The following CHRM3 variants were observed in gnomAD, a reference collection of about 807,000 sequenced individuals.
CHRM3 encodes the protein muscarinic acetylcholine receptor M3.
Under a neutral mutation model 41.8 loss-of-function variants are expected in CHRM3, and 11 were observed. The ratio of observed to expected loss-of-function variants is 0.26; its 90% CI spans 0.17 to 0.44. The LOEUF is 0.44. Among genes scored for constraint, CHRM3 ranks in the 20% least tolerant of loss-of-function variants. The pLI is 1.00. For synonymous variants in CHRM3, 297 were observed against 301.4 expected (o/e 0.99, Z 0.15); for missense variants, 571 against 745.4 (o/e 0.77, Z 2.72).
chr1:239,759,419 T>G (rs1331029167), intron 5 of CHRM3, among the ~76,000 whole-genome samples: 1 of 151,898 alleles, frequency 6.6e-6, no homozygotes, highest in South Asian at 2.1e-4. Flanking sequence ...TACCCTAAAC[T>G]TTTAAAAGCC....
chr1:239,866,400 A>T (rs1390596565), intron 6 of CHRM3, among the ~76,000 whole-genome samples: 5 of 146,660 alleles, frequency 3.4e-5, no homozygotes, highest in African/African-American at 1.4e-4. Context: ...ACCCTGTCTC[A>T]AAAACAAAAA....
chr1:239,424,108 T>C (rs563674688), intron 1 of CHRM3, among the ~76,000 whole-genome samples: 10 of 151,126 alleles, frequency 6.6e-5, no homozygotes, highest in African/African-American at 2.4e-4. Context: ...TCTTTCTTTG[T>C]GGAGCTTTAT....
At chr1:239,664,664 C>T (rs1673586977) in intron 4 of CHRM3, among the ~76,000 whole-genome samples, 1 of 152,078 alleles carries the variant, frequency 6.6e-6, no homozygotes, top group African/African-American at 2.4e-5. Context: ...TGGGTAGCAC[C>T]CTCTCTGGGA....
chr1:239,537,089 T>C (rs148403552), intron 2 of CHRM3, among the ~76,000 whole-genome samples: 1,937 of 152,272 alleles, frequency 0.013, 40 homozygotes, highest in African/African-American at 0.044. Flanking sequence ...CCAATTTCTC[T>C]GCAGTTTCTT....
At chr1:239,403,197 C>A (rs753131726) in intron 1 of CHRM3, among the ~76,000 whole-genome samples, 1 of 152,148 alleles carries the variant, frequency 6.6e-6, no homozygotes, top group Non-Finnish European at 1.5e-5. Context: ...CCATACGCCT[C>A]GTAGACTTTA....
In CHRM3 at chr1:239,529,659, A is replaced by T. The variant is rs955350672; in HGVS notation, c.-421-15982A>T. On this transcript the variant is annotated intron_variant, in intron 2 of 6. Transcript: ENST00000676153. The stretch of plus-strand genomic sequence containing the variant: ...AACAAACAACAACAATAACAACAAC[A>T]AAAGCCTTGTTAATTATCTGTTATT... 5.3e-5 allele frequency among the ~76,000 whole-genome samples: 8 copies of T among 151,330 alleles called. No individual in the cohort carries two copies. The South Asian group carries it at 1.7e-3, about 31-fold the overall frequency.
chr1:239,470,258 G>T (rs1180448864), intron 1 of CHRM3, among the ~76,000 whole-genome samples: 2 of 152,100 alleles, frequency 1.3e-5, no homozygotes. Flanking sequence ...AGTGTTGCTG[G>T]CAGCCACCAA....
chr1:239,611,286 C>T (rs1666998400), intron 3 of CHRM3, among the ~76,000 whole-genome samples: 1 of 151,982 alleles, frequency 6.6e-6, no homozygotes, highest in East Asian at 1.9e-4. Flanking sequence ...AAACTGAGTC[C>T]TTCTCGATTA....
intron 4 of CHRM3, among the ~76,000 whole-genome samples, chr1:239,645,389 T>C (rs987866376): frequency 2.6e-5 from 4 of 152,368 alleles, no homozygotes; most frequent in African/African-American, 9.6e-5. Context: ...TCTAGTGATA[T>C]TGTAGTACAT....
At chr1:239,523,254 T>A in intron 2 of CHRM3, among the ~76,000 whole-genome samples, 1 of 152,318 alleles carries the variant, frequency 6.6e-6, no homozygotes, top group Admixed American at 6.5e-5. Context: ...CAAGACATGA[T>A]AATTTTCAAC....
rs532851048 is a variant in CHRM3, at chr1:239,899,581, A to G, written c.-19-7852A>G. On this transcript the variant is annotated intron_variant, in intron 6 of 6. Transcript: ENST00000676153. ...GTGTGTGTAGTGTGTGTGTATATATATAGTAAGTTCAACATGCAATGTATA... is the reference window on the plus strand; with the variant it reads ...GTGTGTGTAGTGTGTGTGTATATATGTAGTAAGTTCAACATGCAATGTATA... 4.6e-5 allele frequency among the ~76,000 whole-genome samples: 7 copies of G among 152,008 alleles called. No homozygotes were observed. The East Asian group carries it at 1.2e-3, about 25-fold the overall frequency.
chr1:239,641,557 A>C (rs1448967671), intron 4 of CHRM3, among the ~76,000 whole-genome samples: 1 of 145,972 alleles, frequency 6.9e-6, no homozygotes, highest in South Asian at 2.3e-4. Context: ...GTTGGTTTAA[A>C]GTCTGTTTTA....
Position 239,579,388 on chromosome 1 carries a change from A to C in CHRM3, c.-313+33639A>C, listed in dbSNP as rs1255814424. ...AACATATTAATGTCAACATTTGGAAATGGCATTGCTTTTAGAAAACTGTAA... is the reference window on the plus strand; with the variant it reads ...AACATATTAATGTCAACATTTGGAACTGGCATTGCTTTTAGAAAACTGTAA... On this transcript the variant is annotated intron_variant, in intron 3 of 6. Transcript: ENST00000676153. Among the ~76,000 whole-genome samples, 7 of 152,208 alleles carry C rather than the reference A, an allele frequency of 4.6e-5. No homozygotes were observed. In the South Asian group the frequency reaches 1.2e-3, roughly 27 times the overall value.
intron 1 of CHRM3, among the ~76,000 whole-genome samples, chr1:239,445,544 G>T (rs528804744): frequency 1.3e-5 from 2 of 152,298 alleles, no homozygotes; most frequent in African/African-American, 4.8e-5. Flanking sequence ...TGTGGAGGTA[G>T]AAGTTTGACA....
At chr1:239,481,755 G>A (rs796899822) in intron 1 of CHRM3, among the ~76,000 whole-genome samples, 11 of 152,208 alleles carry the variant, frequency 7.2e-5, no homozygotes, top group African/African-American at 2.6e-4. Context: ...CTAGGGGCTG[G>A]GATACAAGGT....
chr1:239,610,660 A>T (rs1666911280), intron 3 of CHRM3, among the ~76,000 whole-genome samples: 1 of 152,208 alleles, frequency 6.6e-6, no homozygotes, highest in African/African-American at 2.4e-5. Flanking sequence ...ACACTTTCCC[A>T]AGGTCATGAG....
chr1:239,582,549 C>A (rs1468865334), intron 3 of CHRM3, among the ~76,000 whole-genome samples: 1 of 152,150 alleles, frequency 6.6e-6, no homozygotes, highest in African/African-American at 2.4e-5. Context: ...CATCCCTCCT[C>A]TGCTCCATAC....
chr1:239,840,281 T>C (rs1465063879), intron 6 of CHRM3, among the ~76,000 whole-genome samples: 1 of 152,208 alleles, frequency 6.6e-6, no homozygotes, highest in East Asian at 1.9e-4. Flanking sequence ...CTTGGGACAC[T>C]GTGTAAATTA....
intron 6 of CHRM3, among the ~76,000 whole-genome samples, chr1:239,888,190 C>T (rs1678230431): frequency 6.6e-6 from 1 of 151,822 alleles, no homozygotes; most frequent in South Asian, 2.1e-4. Context: ...GGCAAAACCC[C>T]ATCTCTACAA....
Sources: allele counts gnomAD v4.1 joint callset (sites outside exome capture counted in the v4.1 genomes callset), GRCh38; gene constraint gnomAD v4.1.1; transcripts MANE v1.5; gene names NCBI Gene and HGNC (gene_info 2026-07-23, HGNC 2026-07-21).